KLRK1: variants seen among roughly 807,000 people sequenced by gnomAD.
KLRK1 encodes the protein killer cell lectin like receptor K1.
In KLRK1, 40 loss-of-function variants were observed where a neutral mutation model predicts 31.3. The observed-to-expected ratio is 1.28, with a 90% CI of 0.99 to 1.67. The LOEUF is 1.67. Ranked by LOEUF, KLRK1 falls within the 40% of genes most tolerant of loss-of-function variation. The probability of loss-of-function intolerance (pLI) is 0.00; values close to 1 mark genes in which losing one functional copy is unlikely to be tolerated. For synonymous variants in KLRK1, 77 were observed against 77.3 expected, an observed-to-expected ratio of 1.00 and a Z score of 0.02; for missense variants, 251 against 260.0, an observed-to-expected ratio of 0.97 and a Z score of 0.24.
rs185020117 is a variant in KLRK1, at chr12:10,380,364, C to T, written c.149-572G>A. Among the ~76,000 whole-genome samples the T allele has an allele frequency of 1.8e-3, 280 of 152,182 alleles. 2 individuals carry two copies. Among genetic ancestry groups the T allele is most frequent in the African/African-American group, 6.2e-3 (257 of 41,502 alleles). On this transcript the variant is annotated intron_variant, in intron 3 of 7. Coordinates refer to ENST00000240618, the MANE Select transcript of KLRK1 (RefSeq NM_007360.4). Reference sequence around the variant, plus strand: ...ACAGGCGTGAGCCACCGCACCCGGCCGTGATTTATTATTTTTATGCAGATA... The same window carrying T: ...ACAGGCGTGAGCCACCGCACCCGGCTGTGATTTATTATTTTTATGCAGATA...
At position 10,372,669 on chromosome 12, in the gene KLRK1, A is replaced by AC. The variant is rs747745656; in HGVS notation, c.*444dup. 5.2e-6 allele frequency: 1 copy of AC among 190,876 alleles called. No homozygotes were observed. The highest frequency in any genetic ancestry group is 1.1e-5 in the Non-Finnish European group (1 of 95,172). 11.8% of individuals were successfully genotyped at this position (190,876 alleles called of 1,614,324 possible). ...AGGACCCATTAAAAGTGGCAGCATG[A>AC]CCCCCACAGGCAGGGAAGGCACTGC... On this transcript the variant is annotated 3_prime_UTR_variant, in exon 8 of 8. Transcript: ENST00000240618.
intron 3 of KLRK1, among the ~76,000 whole-genome samples, chr12:10,383,231 A>C (rs566764134): frequency 2.6e-5 from 4 of 152,238 alleles, no homozygotes; most frequent in Admixed American, 2.6e-4. Flanking sequence ...AAACAAAAAA[A>C]ACCAAACAAT....
rs1863177249 is a variant in KLRK1 at position 10,386,959 on chromosome 12, G to A, written c.92C>T (p.Ser31Leu). 2.5e-6 allele frequency: 4 copies of A among 1,611,446 alleles called. No individual in the cohort carries two copies. The highest frequency in any genetic ancestry group is 3.4e-6 in the Non-Finnish European group (4 of 1,178,778). ...ACATCTTTGCTTTTGCCATCGTGTT[G>A]AAAAATCACTCTTCTTCAGATCCAA... is the stretch of plus-strand genomic sequence containing the variant. ...YNLDLKKSDF[S>L]TRWQKQRCPV... Residue 31 changes from serine (S) to leucine (L), a missense_variant, in exon 3 of 8, where the codon TCA becomes TTA. By Grantham distance (145) the Ser-to-Leu change is moderately radical (BLOSUM62 -2). Coordinates refer to ENST00000240618, the MANE Select transcript of KLRK1 (RefSeq NM_007360.4).
intron 6 of KLRK1, 114 bp from the exon 7 acceptor site, chr12:10,378,349 A>G (rs1191640780): frequency 7.6e-7 from 1 of 1,317,024 alleles, no homozygotes; most frequent in Admixed American, 2.3e-5. Flanking sequence ...CATTCTGTCC[A>G]CTAACTGGCA....
chr12:10,378,580 G>A lies in KLRK1; in HGVS notation c.403C>T (p.Leu135=). ...TGGTCCTCTTTGCTGTATACTTTCA[G>A]AAGGCTGGCATTTTGAGACATACAA... is the stretch of plus-strand genomic sequence containing the variant. ...ASCMSQNASL[L]KVYSKEDQDL... is the part of the protein sequence containing the mutation. The change falls in exon 6 of 8, where the codon CTG becomes TTG. Residue 135 remains leucine, a synonymous_variant. Coordinates refer to ENST00000240618, the MANE Select transcript of KLRK1 (RefSeq NM_007360.4). The A allele has an allele frequency of 2.5e-6, 4 of 1,612,402 alleles. No homozygotes were observed. The highest frequency in any genetic ancestry group is 3.4e-6 in the Non-Finnish European group (4 of 1,179,682).
At chr12:10,374,575 A>G (rs1336260294) in intron 7 of KLRK1, among the ~76,000 whole-genome samples, 1 of 151,048 alleles carries the variant, frequency 6.6e-6, no homozygotes, top group African/African-American at 2.4e-5. Flanking sequence ...TTGTATTTTT[A>G]GTAAAGATGA....
At chr12:10,389,804 A>G (rs542351403) in intron 1 of KLRK1, 139 bp downstream of exon 1, 1 of 152,286 alleles carries the variant, frequency 6.6e-6, no homozygotes, top group African/African-American at 2.4e-5. Context: ...AGCATTCCGT[A>G]TCCTCAGGAG....
intron 2 of KLRK1, among the ~76,000 whole-genome samples, 171 bp from the exon 3 acceptor site, chr12:10,387,181 C>T (rs1863181604): frequency 1.3e-5 from 2 of 152,184 alleles, no homozygotes; most frequent in Non-Finnish European, 2.9e-5. Context: ...TATGTTTACA[C>T]TTTACTATAT....
At chr12:10,388,622 A>G in intron 2 of KLRK1, 149 bp downstream of exon 2, 1 of 909,806 alleles carries the variant, frequency 1.1e-6, no homozygotes, top group East Asian at 2.7e-5. Context: ...TTTAAAATAC[A>G]ATATGAACAT....
At chr12:10,373,423 G>A (rs1393846409) in intron 7 of KLRK1, among the ~76,000 whole-genome samples, 192 bp from the exon 8 acceptor site, 3 of 151,962 alleles carry the variant, frequency 2.0e-5, no homozygotes, top group East Asian at 3.8e-4. Context: ...TAAATAATGC[G>A]CCACTCTTTT....
intron 3 of KLRK1, among the ~76,000 whole-genome samples, chr12:10,380,307 C>T (rs957324263): frequency 6.4e-4 from 98 of 152,102 alleles, no homozygotes; most frequent in African/African-American, 2.2e-3. Flanking sequence ...CCTCGTGATC[C>T]GCCCGCCTCG....
chr12:10,389,456 A>G (rs1249188997), intron 1 of KLRK1, among the ~76,000 whole-genome samples: 1 of 152,122 alleles, frequency 6.6e-6, no homozygotes, highest in Admixed American at 6.5e-5. Context: ...TCCAGAAAAA[A>G]CCATTTAATA....
intron 1 of KLRK1, 152 bp from the exon 2 acceptor site, chr12:10,389,027 A>T (rs1863223570): frequency 2.0e-6 from 1 of 504,608 alleles, no homozygotes; most frequent in Non-Finnish European, 3.5e-6. Flanking sequence ...AGCCAGGCAA[A>T]ATTAATTTTA....
chr12:10,387,241 A>G (rs1462961384), intron 2 of KLRK1, among the ~76,000 whole-genome samples: 1 of 152,220 alleles, frequency 6.6e-6, no homozygotes, highest in Admixed American at 6.5e-5. Flanking sequence ...AAAATCCTAT[A>G]TACTATTAAA....
chr12:10,381,699 T>A (rs1433459593), intron 3 of KLRK1: 1 of 152,198 alleles, frequency 6.6e-6, no homozygotes, highest in African/African-American at 2.4e-5. Flanking sequence ...TAATTATCCA[T>A]GCAAGAAAAT....
At chr12:10,378,969 C>G (rs970990822) in intron 5 of KLRK1, 3 of 276,402 alleles carry the variant, frequency 1.1e-5, no homozygotes, top group Middle Eastern at 1.0e-3. Flanking sequence ...GCCTGGCCAA[C>G]ATGGTGAAAC....
Position 10,389,998 on chromosome 12 carries a change from G to A in KLRK1, c.-121C>T, listed in dbSNP as rs964100743. ...TGGATAAAAGCCTTCTATAAAACTA[G>A]AAAATTTAGATATGTCCTCAGTTCC... On this transcript the variant is annotated 5_prime_UTR_variant, in exon 1 of 8. Coordinates refer to ENST00000240618, the MANE Select transcript of KLRK1 (RefSeq NM_007360.4). 2.0e-5 allele frequency: 3 copies of A among 152,018 alleles called. No homozygotes were observed. Among genetic ancestry groups the A allele is most frequent in the African/African-American group, 7.2e-5 (3 of 41,418 alleles). 9.4% of individuals were successfully genotyped at this position (152,018 alleles called of 1,614,324 possible). A position where few individuals can be genotyped will look rare whatever the true frequency, so the allele number is the denominator to read the frequency against.
chr12:10,375,707 T>C (rs1862952698), intron 7 of KLRK1, among the ~76,000 whole-genome samples: 1 of 152,228 alleles, frequency 6.6e-6, no homozygotes, highest in Non-Finnish European at 1.5e-5. Context: ...TCATTCCTGA[T>C]CGTTGTAGCT....
intron 3 of KLRK1, among the ~76,000 whole-genome samples, chr12:10,383,838 G>C (rs981869983): frequency 6.6e-6 from 1 of 151,930 alleles, no homozygotes; most frequent in African/African-American, 2.4e-5. Context: ...TTGATAACGA[G>C]GAACTTTGGA....
Sources: allele counts gnomAD v4.1 joint callset (sites outside exome capture counted in the v4.1 genomes callset), GRCh38; gene constraint gnomAD v4.1.1; transcripts MANE v1.5; gene names NCBI Gene and HGNC (gene_info 2026-07-23, HGNC 2026-07-21).